Variants in ANO4 observed in about 807,000 individuals in gnomAD.
ANO4 encodes the protein anoctamin 4, also known as anoctamin-4.
ANO4 carries 69 observed loss-of-function variants against 141.9 expected under a neutral mutation model. That is an observed-to-expected ratio of 0.49 (90% CI 0.40 to 0.59). The LOEUF (loss-of-function observed/expected upper bound fraction) is 0.59. Ranked by LOEUF, ANO4 falls within the 20% of genes least tolerant of loss-of-function variation. ANO4 has a pLI of 0.00. For missense variants in ANO4, 894 were observed against 1,162.2 expected, an observed-to-expected ratio of 0.77 and a Z score of 3.36; for synonymous variants, 350 against 394.3, an observed-to-expected ratio of 0.89 and a Z score of 1.33.
At chr12:100,893,696 A>T (rs933083060) in intron 1 of ANO4, among the ~76,000 whole-genome samples, 1 of 152,142 alleles carries the variant, frequency 6.6e-6, no homozygotes, top group African/African-American at 2.4e-5. Flanking sequence ...TTCTCTCTCT[A>T]TTGGGAAGTA....
intron 1 of ANO4, among the ~76,000 whole-genome samples, chr12:100,876,978 A>G (rs573559874): frequency 3.9e-5 from 6 of 152,356 alleles, no homozygotes; most frequent in African/African-American, 1.4e-4. Flanking sequence ...GACAAAATGG[A>G]TGAACCTGGA....
chr12:101,090,107 G>GGA, intron 17 of ANO4, among the ~76,000 whole-genome samples: 1 of 152,318 alleles, frequency 6.6e-6, no homozygotes, highest in South Asian at 2.1e-4. Context: ...AACAGGTGCT[G>GGA]GAGAGGAGGT....
At chr12:100,801,464 A>G (rs991555307) in intron 1 of ANO4, among the ~76,000 whole-genome samples, 1 of 152,074 alleles carries the variant, frequency 6.6e-6, no homozygotes, top group African/African-American at 2.4e-5. Context: ...TGCCTTCTAT[A>G]AGCAAAGCAT....
At chr12:100,952,642 G>T (rs1034592109) in intron 5 of ANO4, among the ~76,000 whole-genome samples, 4 of 152,162 alleles carry the variant, frequency 2.6e-5, no homozygotes, top group African/African-American at 9.7e-5. Flanking sequence ...ATATCAGTCT[G>T]TAGAATCAGG....
At chr12:100,851,562 C>T (rs2037873266) in intron 1 of ANO4, among the ~76,000 whole-genome samples, 1 of 152,054 alleles carries the variant, frequency 6.6e-6, no homozygotes, top group Non-Finnish European at 1.5e-5. Flanking sequence ...TGAATTCTTT[C>T]TTTGCTTTTG....
intron 9 of ANO4, 26 bp downstream of exon 9, chr12:101,020,166 C>T: frequency 6.7e-7 from 1 of 1,488,074 alleles, no homozygotes; most frequent in Non-Finnish European, 9.3e-7. Flanking sequence ...GTATAACAAA[C>T]TACATTTGGC....
chr12:100,923,391 G>T (rs1254095190), intron 3 of ANO4, among the ~76,000 whole-genome samples: 1 of 151,516 alleles, frequency 6.6e-6, no homozygotes, highest in Non-Finnish European at 1.5e-5. Flanking sequence ...GCGGTGTTTG[G>T]TTTTCTATCC....
intron 16 of ANO4, among the ~76,000 whole-genome samples, 196 bp from the exon 17 acceptor site, chr12:101,086,459 CTTTTA>C (rs1005451159): frequency 2.6e-5 from 4 of 151,944 alleles, no homozygotes; most frequent in East Asian, 3.9e-4. Context: ...GCGTGTAGTT[CTTTTA>C]TTTTAATTAA....
chr12:101,120,855 G>A (rs10860680), intron 26 of ANO4, among the ~76,000 whole-genome samples: 22,788 of 151,898 alleles, frequency 0.15, 1,709 homozygotes, highest in East Asian at 0.19. Flanking sequence ...ATCTGAACTC[G>A]TTGCTCCTAA....
intron 3 of ANO4, among the ~76,000 whole-genome samples, chr12:100,786,863 G>A (rs2033888881): frequency 6.6e-6 from 1 of 152,098 alleles, no homozygotes; most frequent in Admixed American, 6.5e-5. Flanking sequence ...AAAATTCTTT[G>A]TACTGAAGAA....
At chr12:100,987,754 G>A in intron 8 of ANO4, 84 bp downstream of exon 8, 2 of 1,549,274 alleles carry the variant, frequency 1.3e-6, no homozygotes, top group Non-Finnish European at 1.7e-6. Context: ...TGATTCCTGG[G>A]CATGAGGAAG....
intron 14 of ANO4, among the ~76,000 whole-genome samples, chr12:101,052,433 G>T (rs1187483225): frequency 6.6e-6 from 1 of 152,094 alleles, no homozygotes; most frequent in Non-Finnish European, 1.5e-5. Context: ...GACCTGTCGG[G>T]GAAACAGATT....
chr12:101,051,362 C>A (rs2047862716), intron 14 of ANO4, among the ~76,000 whole-genome samples: 1 of 152,062 alleles, frequency 6.6e-6, no homozygotes, highest in South Asian at 2.1e-4. Flanking sequence ...ACTTTGGGCA[C>A]AGAGGAACAT....
Position 101,043,528 on chromosome 12 carries a change from C to T in ANO4, c.1155-11C>T, listed in dbSNP as rs752727178. ...TCATCAAAAAGCAGTCCTTTCTGTT[C>T]TCTTTTCCAGTAAAGAAGTCTGCCA... On this transcript the variant is annotated splice_polypyrimidine_tract_variant and intron_variant, in intron 12 of 27. Coordinates refer to ENST00000392977, the MANE Select transcript of ANO4 (RefSeq NM_001286615.2). 2.5e-6 allele frequency: 4 copies of T among 1,600,398 alleles called. No homozygotes were observed. In the South Asian group the frequency reaches 4.4e-5, roughly 18 times the overall value.
intron 8 of ANO4, among the ~76,000 whole-genome samples, chr12:101,003,209 T>C (rs756302718): frequency 6.6e-6 from 1 of 152,252 alleles, no homozygotes; most frequent in Non-Finnish European, 1.5e-5. Flanking sequence ...AAAGGTTTAT[T>C]TATAGCTCAC....
intron 1 of ANO4, among the ~76,000 whole-genome samples, chr12:100,729,164 A>G (rs12300683): frequency 0.025 from 3,871 of 152,052 alleles, 153 homozygotes; most frequent in African/African-American, 0.088. Context: ...CTTTCATTCC[A>G]TATTTTGCTT....
intron 14 of ANO4, among the ~76,000 whole-genome samples, chr12:101,067,995 G>T (rs981842317): frequency 3.9e-5 from 6 of 152,164 alleles, no homozygotes; most frequent in Non-Finnish European, 8.8e-5. Context: ...AGCATTTGTT[G>T]TACTAGTTTT....
At chr12:100,830,017 CT>C (rs1280099619) in intron 1 of ANO4, among the ~76,000 whole-genome samples, 13 of 152,118 alleles carry the variant, frequency 8.5e-5, no homozygotes, top group African/African-American at 2.7e-4. Context: ...TTGAACAAGT[CT>C]GTTAATCTGT....
intron 14 of ANO4, among the ~76,000 whole-genome samples, chr12:101,051,019 TA>T (rs2047844634): frequency 6.6e-6 from 1 of 152,224 alleles, no homozygotes; most frequent in African/African-American, 2.4e-5. Flanking sequence ...TACTTTGAAT[TA>T]AATAATGGTT....
Sources: allele counts gnomAD v4.1 joint callset (sites outside exome capture counted in the v4.1 genomes callset), GRCh38; gene constraint gnomAD v4.1.1; transcripts MANE v1.5; gene names NCBI Gene and HGNC (gene_info 2026-07-23, HGNC 2026-07-21).